The following RPS6KA6 variants were observed in gnomAD, a reference collection of about 807,000 sequenced individuals.
The protein encoded by RPS6KA6 is ribosomal protein S6 kinase alpha-6.
RPS6KA6 carries 27 observed loss-of-function variants against 65.4 expected under a neutral mutation model. The observed-to-expected ratio is 0.41, with a 90% CI of 0.30 to 0.57. RPS6KA6 has a LOEUF of 0.57. Ranked by LOEUF, RPS6KA6 falls within the 20% of genes least tolerant of loss-of-function variation. The probability of loss-of-function intolerance (pLI) is 0.24; values close to 1 mark genes in which losing one functional copy is unlikely to be tolerated. For synonymous variants in RPS6KA6, 190 were observed against 184.2 expected, an observed-to-expected ratio of 1.03 and a Z score of -0.26; for missense variants, 486 against 555.6, an observed-to-expected ratio of 0.87 and a Z score of 1.26.
At chrX:84,109,893 C>G (rs1462833615) in intron 12 of RPS6KA6, among the ~76,000 whole-genome samples, 1 of 111,225 alleles carries the variant, frequency 9.0e-6, no homozygotes, top group Non-Finnish European at 1.9e-5. Flanking sequence ...TCCTGTCTAC[C>G]ACTGCTAGTA....
intron 6 of RPS6KA6, among the ~76,000 whole-genome samples, chrX:84,140,309 C>T (rs749433136): frequency 3.1e-4 from 34 of 111,288 alleles, no homozygotes; most frequent in African/African-American, 9.1e-4. Flanking sequence ...TCCAATCTAA[C>T]GAACTTTAAA....
chrX:84,144,153 A>ATTAATAAAGGGAAAAAATCCTAT (rs1197331057), intron 6 of RPS6KA6, among the ~76,000 whole-genome samples: 1 of 111,371 alleles, frequency 9.0e-6, no homozygotes, highest in Non-Finnish European at 1.9e-5. Flanking sequence ...TAAAAACACA[A>ATTAATAAAGGGAAAAAATCCTAT]TTAATAAAGG....
chrX:84,185,528 AATG>A (rs763152195), intron 1 of RPS6KA6, among the ~76,000 whole-genome samples: 1 of 112,145 alleles, frequency 8.9e-6, no homozygotes, highest in East Asian at 2.8e-4. Context: ...CACACTTCTG[AATG>A]ATAATTCAAA....
chrX:84,111,008 A>T (rs925928323), intron 12 of RPS6KA6, among the ~76,000 whole-genome samples: 2 of 106,902 alleles, frequency 1.9e-5, no homozygotes, highest in African/African-American at 6.7e-5. Flanking sequence ...ATATATATAT[A>T]TATTTAAATT....
rs1312544472 is a variant in RPS6KA6, at chrX:84,147,175, G to A, written c.341-117C>T. 4.0e-5 allele frequency: 17 copies of A among 426,633 alleles called. No homozygotes were observed. The East Asian group carries it at 4.5e-4, about 11-fold the overall frequency. The allele number at this position is 426,633 out of a possible 1,213,427, so 35.2% of individuals were successfully genotyped here. On this transcript the variant is annotated intron_variant, in intron 4 of 21. Coordinates refer to ENST00000262752, the MANE Select transcript of RPS6KA6 (RefSeq NM_014496.5). ...TACAAAACGTAACTTCCTAAATGCC[G>A]AAATTTGCAGTTTTCATATTCCTAG...
intron 13 of RPS6KA6, 35 bp from the exon 14 acceptor site, chrX:84,107,075 C>T: frequency 8.8e-7 from 1 of 1,132,782 alleles, no homozygotes; most frequent in East Asian, 3.0e-5. Flanking sequence ...ATTATAACTA[C>T]ACACAGAATT....
chrX:84,108,522 G>A (rs1481985329), intron 12 of RPS6KA6, among the ~76,000 whole-genome samples: 2 of 111,771 alleles, frequency 1.8e-5, no homozygotes, highest in Non-Finnish European at 3.8e-5. Flanking sequence ...AAGCCATGCC[G>A]TCAGGTGAAC....
At chrX:84,093,678 T>A (rs1285836714) in intron 20 of RPS6KA6, among the ~76,000 whole-genome samples, 1 of 112,339 alleles carries the variant, frequency 8.9e-6, no homozygotes, top group Non-Finnish European at 1.9e-5. Context: ...TGAGCACAAT[T>A]GGCAATGTTA....
intron 20 of RPS6KA6, among the ~76,000 whole-genome samples, chrX:84,072,912 T>C (rs765220073): frequency 3.6e-5 from 4 of 111,741 alleles, no homozygotes; most frequent in Admixed American, 9.5e-5. Flanking sequence ...TGGAAAAATA[T>C]TCCATTTTCA....
chrX:84,078,090 G>T (rs2033699929), intron 20 of RPS6KA6, among the ~76,000 whole-genome samples: 1 of 111,741 alleles, frequency 8.9e-6, no homozygotes, highest in Admixed American at 9.6e-5. Context: ...TCCATAAAAA[G>T]AAAATAATTG....
chrX:84,148,680 A>T (rs1006946952), intron 3 of RPS6KA6, among the ~76,000 whole-genome samples: 2 of 111,281 alleles, frequency 1.8e-5, no homozygotes, highest in Admixed American at 9.6e-5. Context: ...ATAAAGAGCA[A>T]ACAAATATTA....
chrX:84,084,959 T>C (rs1393810118), intron 20 of RPS6KA6, among the ~76,000 whole-genome samples: 1 of 111,361 alleles, frequency 9.0e-6, no homozygotes, highest in African/African-American at 3.3e-5. Context: ...TTTATTCTTT[T>C]TGTAGCAATT....
At chrX:84,116,485 G>A (rs988076634) in intron 11 of RPS6KA6, among the ~76,000 whole-genome samples, 198 bp from the exon 12 acceptor site, 2 of 110,612 alleles carry the variant, frequency 1.8e-5, no homozygotes, top group African/African-American at 3.3e-5. Flanking sequence ...CATTCATATT[G>A]AACTACAATA....
chrX:84,127,417 T>A (rs2034815389), intron 8 of RPS6KA6, among the ~76,000 whole-genome samples: 1 of 111,116 alleles, frequency 9.0e-6, no homozygotes, highest in African/African-American at 3.3e-5. Flanking sequence ...CCAATCCTGT[T>A]CATAATATTC....
At chrX:84,123,924 G>A (rs938178988) in intron 8 of RPS6KA6, among the ~76,000 whole-genome samples, 6 of 111,515 alleles carry the variant, frequency 5.4e-5, no homozygotes, top group African/African-American at 2.0e-4. Flanking sequence ...ATTCAATGCA[G>A]TCTGTGTGGT....
intron 1 of RPS6KA6, among the ~76,000 whole-genome samples, chrX:84,166,877 T>C (rs1374407643): frequency 9.0e-6 from 1 of 110,972 alleles, no homozygotes; most frequent in Non-Finnish European, 1.9e-5. Context: ...TAATAAAAAG[T>C]ATTGAATTGT....
Position 84,156,319 on chromosome X carries a change from C to G in RPS6KA6, c.142-128G>C, listed in dbSNP as rs909758202. 4.4e-5 allele frequency: 18 copies of G among 406,418 alleles called. No homozygotes were observed. The African/African-American group carries it at 4.6e-4, about 10-fold the overall frequency. 33.5% of individuals were successfully genotyped at this position (406,418 alleles called of 1,213,427 possible). On this transcript the variant is annotated intron_variant, in intron 2 of 21. Coordinates refer to ENST00000262752, the MANE Select transcript of RPS6KA6 (RefSeq NM_014496.5). ...TGTAGCAGAGAGTTTTATGGGCTACCAGTATCCTTATTTCCCTGTTTTCTA... is the reference window on the plus strand; with the variant it reads ...TGTAGCAGAGAGTTTTATGGGCTACGAGTATCCTTATTTCCCTGTTTTCTA...
intron 20 of RPS6KA6, among the ~76,000 whole-genome samples, chrX:84,081,625 T>C (rs2033801419): frequency 9.0e-6 from 1 of 111,464 alleles, no homozygotes; most frequent in Non-Finnish European, 1.9e-5. Context: ...ATGAGGCCAG[T>C]ATCATCCTGA....
intron 1 of RPS6KA6, among the ~76,000 whole-genome samples, chrX:84,181,955 T>C (rs1015229480): frequency 3.6e-5 from 4 of 109,867 alleles, no homozygotes; most frequent in African/African-American, 1.3e-4. Context: ...ATATTTCCCA[T>C]ATACCATCTC....
Sources: gnomAD v4.1 joint callset for allele counts (sites outside exome capture counted in the v4.1 genomes callset) on GRCh38, gnomAD v4.1.1 for gene constraint, MANE v1.5 for transcripts, NCBI Gene and HGNC (gene_info 2026-07-23, HGNC 2026-07-21) for gene names.